SCN2A: variants seen among roughly 807,000 people sequenced by gnomAD.
SCN2A encodes the protein sodium channel protein type 2 subunit alpha.
Under a neutral mutation model 188.7 loss-of-function variants are expected in SCN2A, and 20 were observed. The observed-to-expected ratio is 0.11, with a 90% CI of 0.07 to 0.15. The LOEUF is 0.15. SCN2A is among the 10% of genes least tolerant of loss of function. SCN2A has a pLI of 1.00. For missense variants in SCN2A, 1,278 were observed against 2,445.0 expected (o/e 0.52, Z 10.07); for synonymous variants, 804 against 833.1 (o/e 0.97, Z 0.60).
chr2:165,263,754 A>G (rs1262701485), intron 1 of SCN2A, among the ~76,000 whole-genome samples: 1 of 151,914 alleles, frequency 6.6e-6, no homozygotes, highest in African/African-American at 2.4e-5. Context: ...ATGAAGAATA[A>G]TGGTGGTATT....
chr2:165,354,611 C>T lies in SCN2A; in HGVS notation c.3339C>T (p.Asp1113=). 6.2e-7 allele frequency: 1 copy of T among 1,613,924 alleles called. No individual in the cohort carries two copies. The highest frequency in any genetic ancestry group is 8.5e-7 in the Non-Finnish European group (1 of 1,179,958). Reference sequence around the variant, plus strand: ...TACCAATTGCTGTTGGAGAATCTGACTTTGAAAATTTAAATACTGAAGAAT... The same window carrying T: ...TACCAATTGCTGTTGGAGAATCTGATTTTGAAAATTTAAATACTGAAGAAT... The part of the protein sequence containing the change: ...VTVPIAVGES[D]FENLNTEEFS... The change falls in exon 17 of 27, where the codon GAC becomes GAT. Residue 1113 remains aspartate, a synonymous_variant. Transcript: ENST00000375437.
At chr2:165,330,030 G>A (rs759788210) in intron 13 of SCN2A, among the ~76,000 whole-genome samples, 41 of 152,232 alleles carry the variant, frequency 2.7e-4, no homozygotes, top group Middle Eastern at 3.4e-3. Flanking sequence ...TTAATTAGTG[G>A]CAAATGTTGA....
chr2:165,324,935 C>G (rs1698272021), intron 12 of SCN2A, among the ~76,000 whole-genome samples: 1 of 152,188 alleles, frequency 6.6e-6, no homozygotes, highest in South Asian at 2.1e-4. Context: ...ACTTCACTTT[C>G]ATACTACTTA....
chr2:165,280,331 A>G (rs1695529818), intron 1 of SCN2A, among the ~76,000 whole-genome samples: 1 of 152,106 alleles, frequency 6.6e-6, no homozygotes, highest in Non-Finnish European at 1.5e-5. Flanking sequence ...GCGATAGAGT[A>G]AAAAGAAAAG....
At position 165,295,896 on chromosome 2, in the gene SCN2A, A is replaced by G. The variant is rs767145207; in HGVS notation, c.73A>G (p.Ile25Val). Reference protein sequence around the residue: ...RFFTRESLAAIEQRIAEEKAK... With the variant: ...RFFTRESLAAVEQRIAEEKAK... ...CTTTACCAGGGAATCCCTTGCTGCT[A>G]TTGAACAACGCATTGCAGAAGAGAA... The change falls in exon 2 of 27, where the codon ATT (isoleucine) becomes GTT (valine). Residue 25 changes from isoleucine to valine, a missense_variant. Coordinates refer to ENST00000375437, the MANE Select transcript of SCN2A (RefSeq NM_001040142.2). 15 of 1,614,052 alleles carry G rather than the reference A, an allele frequency of 9.3e-6. No individual in the cohort carries two copies. The highest frequency in any genetic ancestry group is 1.7e-5 in the Admixed American group (1 of 59,984).
chr2:165,259,606 C>T (rs1042217830), intron 1 of SCN2A, among the ~76,000 whole-genome samples: 1 of 152,124 alleles, frequency 6.6e-6, no homozygotes, highest in African/African-American at 2.4e-5. Flanking sequence ...GAAGCAATCC[C>T]TCATTCATTC....
chr2:165,373,418 T>G, intron 21 of SCN2A, 71 bp downstream of exon 21: 1 of 1,554,514 alleles, frequency 6.4e-7, no homozygotes, highest in Non-Finnish European at 8.9e-7. Context: ...ACCATGGAAA[T>G]GTCAAATTTA....
At chr2:165,365,844 T>A (rs757967558) in intron 18 of SCN2A, among the ~76,000 whole-genome samples, 10 of 152,190 alleles carry the variant, frequency 6.6e-5, no homozygotes, top group Non-Finnish European at 1.0e-4. Flanking sequence ...TGGGGCAATA[T>A]GTCACTGGAG....
Position 165,381,581 on chromosome 2 carries a change from G to A in SCN2A, c.4551+384G>A, listed in dbSNP as rs571112584. 5.3e-5 allele frequency among the ~76,000 whole-genome samples: 8 copies of A among 151,956 alleles called. No homozygotes were observed. The South Asian group carries it at 1.2e-3, about 24-fold the overall frequency. ...GGAGACAGATCGGAATAATTGGTAC[G>A]TCACAGATTGGCCTCAGTTTTTGTC... On this transcript the variant is annotated intron_variant, in intron 25 of 26. Coordinates refer to ENST00000375437, the MANE Select transcript of SCN2A (RefSeq NM_001040142.2).
chr2:165,341,632 G>GA (rs1699326593), intron 14 of SCN2A, among the ~76,000 whole-genome samples: 1 of 152,204 alleles, frequency 6.6e-6, no homozygotes, highest in East Asian at 1.9e-4. Context: ...TAGATAAAGG[G>GA]AAACAAAGTT....
intron 1 of SCN2A, among the ~76,000 whole-genome samples, chr2:165,241,922 G>A (rs1693639706): frequency 6.6e-6 from 1 of 152,136 alleles, no homozygotes; most frequent in African/African-American, 2.4e-5. Flanking sequence ...AGGTACATAG[G>A]TGAGGCAAGT....
At chr2:165,273,518 T>G (rs778710461) in intron 1 of SCN2A, 1 of 152,220 alleles carries the variant, frequency 6.6e-6, no homozygotes, top group Non-Finnish European at 1.5e-5. Flanking sequence ...TAGTCATATC[T>G]TACAATTTAT....
At chr2:165,255,006 A>G (rs930544759) in intron 1 of SCN2A, among the ~76,000 whole-genome samples, 6 of 152,004 alleles carry the variant, frequency 3.9e-5, no homozygotes, top group Admixed American at 2.6e-4. Context: ...TAATTTTGGC[A>G]ATCTGTTCTA....
At chr2:165,250,031 A>G (rs1281082968) in intron 1 of SCN2A, among the ~76,000 whole-genome samples, 1 of 152,076 alleles carries the variant, frequency 6.6e-6, no homozygotes, top group Non-Finnish European at 1.5e-5. Flanking sequence ...TTTCACATGC[A>G]GCATATACTT....
chr2:165,290,979 A>T (rs1412346932), intron 1 of SCN2A, among the ~76,000 whole-genome samples: 1 of 151,360 alleles, frequency 6.6e-6, no homozygotes, highest in Non-Finnish European at 1.5e-5. Context: ...CAGTAATAGT[A>T]ACTCAACAAC....
At chr2:165,277,202 G>A (rs577167435) in intron 1 of SCN2A, among the ~76,000 whole-genome samples, 1 of 152,058 alleles carries the variant, frequency 6.6e-6, no homozygotes, top group Admixed American at 6.6e-5. Context: ...ATTCAGACAG[G>A]CATCCTTACT....
At chr2:165,244,141 C>T (rs1292919873) in intron 1 of SCN2A, among the ~76,000 whole-genome samples, 1 of 151,954 alleles carries the variant, frequency 6.6e-6, no homozygotes, top group African/African-American at 2.4e-5. Context: ...ACTCCAGAGG[C>T]CGGGGCAGGA....
At chr2:165,309,028 T>C in intron 5 of SCN2A, 1 of 1,106,832 alleles carries the variant, frequency 9.0e-7, no homozygotes, top group Non-Finnish European at 1.3e-6. Context: ...ACAGAGATTA[T>C]GATTGATGAC....
At chr2:165,309,103 T>TAAA in intron 5 of SCN2A, 9 of 1,554,566 alleles carry the variant, frequency 5.8e-6, no homozygotes, top group Non-Finnish European at 8.0e-6. Context: ...AAGGTCTTGA[T>TAAA]GAAAGACCAA....
Sources: allele counts gnomAD v4.1 joint callset (sites outside exome capture counted in the v4.1 genomes callset), GRCh38; gene constraint gnomAD v4.1.1; transcripts MANE v1.5; gene names NCBI Gene and HGNC (gene_info 2026-07-23, HGNC 2026-07-21).